Variants in EFCAB6 observed in about 807,000 individuals in gnomAD.
EFCAB6 encodes the protein EF-hand calcium binding domain 6, also known as EF-hand calcium-binding domain-containing protein 6.
In EFCAB6, 156 loss-of-function variants were observed where a neutral mutation model predicts 169.8. The observed-to-expected ratio is 0.92, with a 90% CI of 0.81 to 1.05. The LOEUF (loss-of-function observed/expected upper bound fraction) is 1.05. EFCAB6 is among the 50% of genes least tolerant of loss of function. EFCAB6 has a pLI of 0.00. For synonymous variants in EFCAB6, 698 were observed against 676.4 expected, an observed-to-expected ratio of 1.03 and a Z score of -0.50; for missense variants, 1,800 against 1,829.1, an observed-to-expected ratio of 0.98 and a Z score of 0.29.
chr22:43,586,287 G>T (rs2051057162), intron 24 of EFCAB6, among the ~76,000 whole-genome samples: 1 of 149,622 alleles, frequency 6.7e-6, no homozygotes, highest in Non-Finnish European at 1.5e-5. Flanking sequence ...GTTACTTAAA[G>T]GTGGGCTTAG....
At chr22:43,581,898 T>C (rs1270798995) in intron 24 of EFCAB6, among the ~76,000 whole-genome samples, 4 of 152,236 alleles carry the variant, frequency 2.6e-5, no homozygotes, top group Admixed American at 1.3e-4. Context: ...TAAAATGTAG[T>C]AATAAAATCA....
intron 25 of EFCAB6, among the ~76,000 whole-genome samples, chr22:43,579,538 C>CCCTACA (rs2050551983): frequency 6.6e-6 from 1 of 151,216 alleles, no homozygotes; most frequent in Admixed American, 6.6e-5. Flanking sequence ...AGGCATCATT[C>CCCTACA]CGTACACGCA....
chr22:43,594,008 C>A (rs981147617), intron 23 of EFCAB6, among the ~76,000 whole-genome samples: 1 of 152,012 alleles, frequency 6.6e-6, no homozygotes, highest in Non-Finnish European at 1.5e-5. Flanking sequence ...AGGTGCAGTG[C>A]CTCACACCTG....
At position 43,781,820 on chromosome 22, in the gene EFCAB6, T is replaced by C. The variant is rs118006089; in HGVS notation, c.139+360A>G. On this transcript the variant is annotated intron_variant, in intron 3 of 31. Transcript: ENST00000262726. ...CTGGGGGTGGGAGTGAGGGGGTGTA[T>C]GGGAACTTCCTGTGTTTTCTAGTCA... is the stretch of plus-strand genomic sequence containing the variant. 4.5e-3 allele frequency among the ~76,000 whole-genome samples: 690 copies of C among 152,184 alleles called. 6 individuals are homozygous for C. The highest frequency in any genetic ancestry group is 6.4e-3 in the Non-Finnish European group (433 of 67,990).
chr22:43,590,381 A>AGG, intron 23 of EFCAB6, 152 bp from the exon 24 acceptor site: 1 of 720,050 alleles, frequency 1.4e-6, no homozygotes, highest in Non-Finnish European at 2.0e-6. Context: ...TGTAATACTG[A>AGG]CATTAAAAGA....
intron 27 of EFCAB6, among the ~76,000 whole-genome samples, chr22:43,550,760 G>A (rs76930282): frequency 0.084 from 12,729 of 151,902 alleles, 700 homozygotes; most frequent in African/African-American, 0.15. Flanking sequence ...AATCACTGTG[G>A]GCTGATCTAA....
intron 20 of EFCAB6, 53 bp from the exon 21 acceptor site, chr22:43,615,975 A>C: frequency 6.7e-7 from 1 of 1,481,906 alleles, no homozygotes; most frequent in Non-Finnish European, 9.2e-7. Flanking sequence ...TGGGCTCATT[A>C]ATCTCCCAAG....
chr22:43,683,893 T>C (rs767039266), intron 11 of EFCAB6, 38 bp from the exon 12 acceptor site: 1 of 1,495,912 alleles, frequency 6.7e-7, no homozygotes, highest in Non-Finnish European at 9.3e-7. Flanking sequence ...AATAAGATTA[T>C]GTTCTTGAAC....
chr22:43,808,672 A>G (rs2063003380), intron 2 of EFCAB6, among the ~76,000 whole-genome samples: 2 of 152,336 alleles, frequency 1.3e-5, no homozygotes, highest in Admixed American at 1.3e-4. Context: ...AAAAACAAAA[A>G]CAAAAAACAG....
At chr22:43,639,008 C>T (rs1443095311) in intron 17 of EFCAB6, among the ~76,000 whole-genome samples, 1 of 151,728 alleles carries the variant, frequency 6.6e-6, no homozygotes, top group African/African-American at 2.4e-5. Flanking sequence ...TGGTCTCGAA[C>T]TCCTGACCTC....
intron 2 of EFCAB6, among the ~76,000 whole-genome samples, chr22:43,790,879 G>A (rs1168727977): frequency 6.6e-6 from 1 of 152,196 alleles, no homozygotes; most frequent in Non-Finnish European, 1.5e-5. Flanking sequence ...TCTGAAGGAG[G>A]AGTCCATCAT....
At chr22:43,779,560 T>A (rs375322249) in intron 3 of EFCAB6, among the ~76,000 whole-genome samples, 7 of 152,218 alleles carry the variant, frequency 4.6e-5, no homozygotes, top group Admixed American at 6.5e-5. Flanking sequence ...GCCAACATGG[T>A]GAAACACCAT....
At chr22:43,698,893 G>T (rs944313421) in intron 10 of EFCAB6, among the ~76,000 whole-genome samples, 2 of 152,180 alleles carry the variant, frequency 1.3e-5, no homozygotes. Flanking sequence ...CAGCTCAATT[G>T]TATGTGGTTT....
At chr22:43,546,730 A>G (rs1013330455) in intron 27 of EFCAB6, among the ~76,000 whole-genome samples, 13 of 151,916 alleles carry the variant, frequency 8.6e-5, no homozygotes, top group South Asian at 4.2e-4. Flanking sequence ...AAAATTAGCC[A>G]GGTGTGGTGG....
intron 22 of EFCAB6, among the ~76,000 whole-genome samples, chr22:43,608,137 T>C (rs900979446): frequency 1.9e-4 from 29 of 152,226 alleles, no homozygotes; most frequent in Admixed American, 1.3e-3. Context: ...GAGTGAGTTA[T>C]ATTAGAGTTA....
intron 26 of EFCAB6, among the ~76,000 whole-genome samples, chr22:43,562,513 G>A (rs946660522): frequency 6.6e-6 from 1 of 151,268 alleles, no homozygotes; most frequent in African/African-American, 2.4e-5. Flanking sequence ...GGTTGGGGGT[G>A]GGAGGGAGGC....
chr22:43,634,047 C>T (rs1482882446), intron 18 of EFCAB6, among the ~76,000 whole-genome samples: 1 of 152,050 alleles, frequency 6.6e-6, no homozygotes, highest in Non-Finnish European at 1.5e-5. Context: ...ACACAGGCAG[C>T]CAGGAAGCCG....
At position 43,537,477 on chromosome 22, in the gene EFCAB6, C is replaced by T. The variant is rs143251330; in HGVS notation, c.3948G>A (p.Arg1316=). 15 of 1,614,136 alleles carry T rather than the reference C, an allele frequency of 9.3e-6. No homozygotes were observed. Among genetic ancestry groups the T allele is most frequent in the Admixed American group, 1.7e-5 (1 of 60,024 alleles). ...PLQNCDPIES[R]LRKRIQGCWR... Reference sequence around the variant, plus strand: ...AGCAGCCCTGGATTCTCTTCCGGAGCCTGCTCTCTATGGGATCACAGTTCT... The same window carrying T: ...AGCAGCCCTGGATTCTCTTCCGGAGTCTGCTCTCTATGGGATCACAGTTCT... The change falls in exon 29 of 32, where the codon AGG becomes AGA. Residue 1316 remains arginine (R), a synonymous_variant. Transcript: ENST00000262726. The surrounding 1 kb of genome is among the most constrained non-coding windows in gnomAD (Gnocchi z 4.3).
At chr22:43,592,270 G>A (rs1008502290) in intron 23 of EFCAB6, among the ~76,000 whole-genome samples, 2 of 152,190 alleles carry the variant, frequency 1.3e-5, no homozygotes, top group African/African-American at 4.8e-5. Flanking sequence ...TGACATTTGA[G>A]TACTTAATAC....
Sources: allele counts gnomAD v4.1 joint callset (sites outside exome capture counted in the v4.1 genomes callset), GRCh38; gene constraint gnomAD v4.1.1; non-coding constraint Gnocchi (gnomAD v3.1); transcripts MANE v1.5; gene names NCBI Gene and HGNC (gene_info 2026-07-23, HGNC 2026-07-21).